PACRG: variants seen among roughly 807,000 people sequenced by gnomAD.
The protein encoded by PACRG is parkin coregulated.
A neutral mutation model predicts 29.7 loss-of-function variants in PACRG; 29 were observed. That is an observed-to-expected ratio of 0.98 (90% CI 0.73 to 1.33). PACRG has a LOEUF of 1.33. Ranked by LOEUF, PACRG falls within the 40% of genes most tolerant of loss-of-function variation. The pLI is 0.00. For synonymous variants in PACRG, 116 were observed against 118.7 expected (o/e 0.98, Z 0.15); for missense variants, 279 against 316.2 (o/e 0.88, Z 0.89).
chr6:162,774,055 C>A (rs540393875), intron 1 of PACRG, among the ~76,000 whole-genome samples: 9 of 152,178 alleles, frequency 5.9e-5, no homozygotes, highest in African/African-American at 1.9e-4. Flanking sequence ...AATTTCAAAC[C>A]ATTTGGGTTT....
intron 2 of PACRG, among the ~76,000 whole-genome samples, chr6:162,941,593 T>A (rs1798635844): frequency 1.3e-5 from 2 of 152,204 alleles, no homozygotes; most frequent in Non-Finnish European, 2.9e-5. Context: ...TCATTGTTGC[T>A]GTTGGTTTTG....
At chr6:162,989,743 T>C (rs1803260191) in intron 2 of PACRG, among the ~76,000 whole-genome samples, 1 of 151,636 alleles carries the variant, frequency 6.6e-6, no homozygotes, top group South Asian at 2.1e-4. Flanking sequence ...TTTCTTTTCT[T>C]TTTTTTTATT....
At position 162,727,998 on chromosome 6, in the gene PACRG, T is replaced by G; in HGVS notation, c.-238T>G. The G allele has an allele frequency of 8.0e-6, 5 of 624,998 alleles. No individual in the cohort carries two copies. The East Asian group carries it at 1.1e-4, about 13-fold the overall frequency. 38.7% of individuals were successfully genotyped at this position (624,998 alleles called of 1,614,324 possible). On this transcript the variant is annotated 5_prime_UTR_variant, in exon 1 of 5. Transcript: ENST00000366888. ...CGCTTAGCAACCGGGAGGCTTACCT[T>G]TGGAAGCTTGTTGCAGCTCTAGCCA... is the stretch of plus-strand genomic sequence containing the variant.
At chr6:162,825,406 C>T (rs911405986) in intron 2 of PACRG, among the ~76,000 whole-genome samples, 3 of 152,064 alleles carry the variant, frequency 2.0e-5, no homozygotes, top group African/African-American at 4.8e-5. Context: ...TTTAAATCAC[C>T]GTGTTTCATT....
intron 1 of PACRG, among the ~76,000 whole-genome samples, chr6:162,779,285 C>T (rs190427761): frequency 3.6e-4 from 55 of 152,268 alleles, no homozygotes; most frequent in African/African-American, 1.1e-3. Context: ...CTGTCGTCAA[C>T]GAGCATTCGG....
chr6:163,139,615 T>A lies in PACRG; in HGVS notation c.613+50207T>A, dbSNP rs141221628. ...GAGAAAGCTTTTAATCAATAACTATTTGTTTTGTTTCTATATACCAAAAGT... is the reference window on the plus strand; with the variant it reads ...GAGAAAGCTTTTAATCAATAACTATATGTTTTGTTTCTATATACCAAAAGT... On this transcript the variant is annotated intron_variant, in intron 4 of 4. Coordinates refer to ENST00000366888, the MANE Select transcript of PACRG (RefSeq NM_001080379.2). Among the ~76,000 whole-genome samples, 342 of 152,336 alleles carry A rather than the reference T, an allele frequency of 2.2e-3. 2 individuals are homozygous for A. The highest frequency in any genetic ancestry group is 7.6e-3 in the African/African-American group (318 of 41,576).
At chr6:162,766,705 A>G (rs956306202) in intron 1 of PACRG, among the ~76,000 whole-genome samples, 8 of 152,140 alleles carry the variant, frequency 5.3e-5, no homozygotes, top group African/African-American at 1.9e-4. Flanking sequence ...TTTCTAAGTT[A>G]TATTTTTCTA....
intron 4 of PACRG, among the ~76,000 whole-genome samples, chr6:163,274,811 G>A (rs1383903658): frequency 1.3e-5 from 2 of 150,166 alleles, no homozygotes; most frequent in African/African-American, 4.9e-5. Context: ...TACTTGGTAT[G>A]TACCTTTGCT....
intron 4 of PACRG, among the ~76,000 whole-genome samples, chr6:163,134,976 T>C (rs190793366): frequency 2.0e-5 from 3 of 152,230 alleles, no homozygotes; most frequent in Non-Finnish European, 4.4e-5. Flanking sequence ...TCTGAGGTGA[T>C]GAGTTTCCTG....
At chr6:163,089,178 C>A in intron 3 of PACRG, 81 bp from the exon 4 acceptor site, 1 of 1,447,170 alleles carries the variant, frequency 6.9e-7, no homozygotes, top group Non-Finnish European at 9.4e-7. Context: ...AATGCAACCA[C>A]AAGACAACTT....
At chr6:163,051,601 T>C (rs1453604807) in intron 2 of PACRG, 1 of 152,162 alleles carries the variant, frequency 6.6e-6, no homozygotes, top group Non-Finnish European at 1.5e-5. Flanking sequence ...AAGAGATTTT[T>C]CCAGTTTCTT....
chr6:163,220,321 G>A (rs1446217068), intron 4 of PACRG, among the ~76,000 whole-genome samples: 1 of 152,150 alleles, frequency 6.6e-6, no homozygotes, highest in Admixed American at 6.5e-5. Flanking sequence ...AATTTATCCA[G>A]GGGTGTGCTC....
rs551645083 is a variant in PACRG, at chr6:162,902,049, CTCT to C, written c.291+87776_291+87778del. Among the ~76,000 whole-genome samples, 58 of 152,344 alleles carry C rather than the reference CTCT, an allele frequency of 3.8e-4. 1 individual carries two copies. In the South Asian group the frequency reaches 0.012, roughly 31 times the overall value. Reference sequence around the variant, plus strand: ...GTACATGCAGATTACAATACCAAATCTCTTCTTCTTAATCGTTTTTTGTTTGTT... The same window carrying C: ...GTACATGCAGATTACAATACCAAATCTCTTCTTAATCGTTTTTTGTTTGTT... On this transcript the variant is annotated intron_variant, in intron 2 of 4. Coordinates refer to ENST00000366888, the MANE Select transcript of PACRG (RefSeq NM_001080379.2).
intron 4 of PACRG, among the ~76,000 whole-genome samples, chr6:163,090,785 T>C (rs183227539): frequency 2.0e-5 from 3 of 152,300 alleles, no homozygotes; most frequent in East Asian, 3.9e-4. Flanking sequence ...GAGATAAAGA[T>C]GTTCTGCTAG....
Position 163,188,192 on chromosome 6 carries a change from C to G in PACRG, c.613+98784C>G, listed in dbSNP as rs143506128. On this transcript the variant is annotated intron_variant, in intron 4 of 4. Transcript: ENST00000366888. ...TCAGAACATCGGGGAGGCAGGAGCC[C>G]CAAGTCAACCATTCTTTGTATAGAA... Among the ~76,000 whole-genome samples the G allele has an allele frequency of 4.0e-4, 61 of 152,262 alleles. No homozygotes were observed. The East Asian group carries it at 0.012, about 29-fold the overall frequency.
chr6:163,008,164 T>TC (rs911375048), intron 2 of PACRG, among the ~76,000 whole-genome samples: 34 of 152,042 alleles, frequency 2.2e-4, no homozygotes, highest in African/African-American at 7.7e-4. Flanking sequence ...TTTCCATAGT[T>TC]CCCCCTAACG....
intron 2 of PACRG, among the ~76,000 whole-genome samples, chr6:162,822,387 T>C (rs1787918910): frequency 6.6e-6 from 1 of 152,210 alleles, no homozygotes; most frequent in Admixed American, 6.5e-5. Context: ...ACCATGTTTT[T>C]GAAGAGCAGA....
At chr6:162,876,097 T>C (rs1029165714) in intron 2 of PACRG, among the ~76,000 whole-genome samples, 17 of 152,192 alleles carry the variant, frequency 1.1e-4, no homozygotes, top group African/African-American at 4.1e-4. Flanking sequence ...GGTATCACTG[T>C]TCTCATGTGG....
intron 2 of PACRG, among the ~76,000 whole-genome samples, chr6:162,902,976 A>G (rs1435466967): frequency 6.6e-6 from 1 of 152,232 alleles, no homozygotes; most frequent in Non-Finnish European, 1.5e-5. Context: ...CTATAATAAT[A>G]TACCTTACTG....
Sources: gnomAD v4.1 joint callset for allele counts (sites outside exome capture counted in the v4.1 genomes callset) on GRCh38, gnomAD v4.1.1 for gene constraint, MANE v1.5 for transcripts, NCBI Gene and HGNC (gene_info 2026-07-23, HGNC 2026-07-21) for gene names.